NRXN3: variants seen among roughly 807,000 people sequenced by gnomAD.
NRXN3 encodes neurexin 3.
Under a neutral mutation model 137.6 loss-of-function variants are expected in NRXN3, and 32 were observed. The observed-to-expected ratio is 0.23, with a 90% CI of 0.18 to 0.31. The LOEUF (loss-of-function observed/expected upper bound fraction) is 0.31, where lower values mean the gene tolerates loss of function less well. NRXN3 is among the 10% of genes least tolerant of loss of function. The pLI is 1.00. For synonymous variants in NRXN3, 798 were observed against 784.5 expected (o/e 1.02, Z -0.29); for missense variants, 1,574 against 2,062.5 (o/e 0.76, Z 4.59).
intron 3 of NRXN3, among the ~76,000 whole-genome samples, chr14:78,291,855 A>C (rs1394975269): frequency 1.3e-5 from 2 of 152,244 alleles, no homozygotes; most frequent in Non-Finnish European, 2.9e-5. Flanking sequence ...TTACTCTGAA[A>C]GCGAGTGAAA....
At chr14:78,272,074 A>G (rs1451370422) in intron 2 of NRXN3, among the ~76,000 whole-genome samples, 1 of 152,110 alleles carries the variant, frequency 6.6e-6, no homozygotes, top group African/African-American at 2.4e-5. Context: ...GGGGAGGTGC[A>G]GTCTTTGCCT....
At chr14:78,793,556 A>G (rs1384211193) in intron 8 of NRXN3, among the ~76,000 whole-genome samples, 1 of 152,224 alleles carries the variant, frequency 6.6e-6, no homozygotes, top group Non-Finnish European at 1.5e-5. Flanking sequence ...CAGGTTTCCA[A>G]GAGTCCTCTC....
At chr14:78,409,930 C>G (rs10139602) in intron 4 of NRXN3, among the ~76,000 whole-genome samples, 65,146 of 151,930 alleles carry the variant, frequency 0.43, 14,256 homozygotes, top group Middle Eastern at 0.6. Context: ...TACCTTGATA[C>G]AAGATCTCAT....
chr14:78,822,284 C>CCT (rs1321853599), intron 10 of NRXN3, among the ~76,000 whole-genome samples: 35 of 152,096 alleles, frequency 2.3e-4, no homozygotes, highest in African/African-American at 8.5e-4. Context: ...GTGATTTCTG[C>CCT]CATTATGGGA....
At chr14:79,335,739 T>C (rs2092208515) in intron 15 of NRXN3, among the ~76,000 whole-genome samples, 1 of 152,116 alleles carries the variant, frequency 6.6e-6, no homozygotes, top group African/African-American at 2.4e-5. Context: ...ACTTTTATTA[T>C]TTTCAAGTTT....
intron 1 of NRXN3, among the ~76,000 whole-genome samples, chr14:78,207,992 C>T (rs2062376964): frequency 6.6e-6 from 1 of 152,172 alleles, no homozygotes; most frequent in Admixed American, 6.5e-5. Flanking sequence ...GGCTAATAGC[C>T]TGGACTCTGG....
intron 4 of NRXN3, among the ~76,000 whole-genome samples, chr14:78,360,592 T>C (rs1367240330): frequency 6.6e-6 from 1 of 152,164 alleles, no homozygotes; most frequent in African/African-American, 2.4e-5. Flanking sequence ...AATGGGATAG[T>C]AATAGCGCCT....
intron 1 of NRXN3, among the ~76,000 whole-genome samples, chr14:78,177,288 G>A (rs2059367098): frequency 6.6e-6 from 1 of 152,190 alleles, no homozygotes; most frequent in South Asian, 2.1e-4. Context: ...ATGGGTGAAG[G>A]CCTTCTACCA....
chr14:78,199,456 C>G (rs2061490510), intron 1 of NRXN3, among the ~76,000 whole-genome samples: 1 of 152,186 alleles, frequency 6.6e-6, no homozygotes, highest in South Asian at 2.1e-4. Context: ...CCAAGTATTA[C>G]ATACACATCT....
chr14:79,517,102 C>CG (rs1009762722), intron 16 of NRXN3, among the ~76,000 whole-genome samples: 5 of 150,768 alleles, frequency 3.3e-5, no homozygotes, highest in Non-Finnish European at 7.4e-5. Context: ...GCCCCCCCCC[C>CG]CTCAACGAAT....
Position 78,715,248 on chromosome 14 carries a change from C to T in NRXN3, c.2044+109C>T, listed in dbSNP as rs2098426018. On this transcript the variant is annotated intron_variant, in intron 8 of 20. Transcript: ENST00000335750. ...GCACCTACCTGCACTTTCTTTCTTC[C>T]AAGAGTTTTTGGGTTTACTGATTTC... is the stretch of plus-strand genomic sequence containing the variant. 3 of 1,396,398 alleles carry T rather than the reference C, an allele frequency of 2.1e-6. No individual in the cohort carries two copies. In the African/African-American group the frequency reaches 4.3e-5, roughly 20 times the overall value. 86.5% of individuals were successfully genotyped at this position (1,396,398 alleles called of 1,614,324 possible).
chr14:78,606,242 A>C (rs1396130847), intron 4 of NRXN3, among the ~76,000 whole-genome samples: 1 of 152,244 alleles, frequency 6.6e-6, no homozygotes, highest in East Asian at 1.9e-4. Context: ...GCTATGCTCA[A>C]TGCATGACTC....
At chr14:78,619,462 G>A (rs537186121) in intron 4 of NRXN3, among the ~76,000 whole-genome samples, 1 of 152,148 alleles carries the variant, frequency 6.6e-6, no homozygotes, top group African/African-American at 2.4e-5. Context: ...AAGAGTGCTC[G>A]ATATGGTTAA....
chr14:79,018,425 C>A (rs780302959), intron 15 of NRXN3, among the ~76,000 whole-genome samples: 1 of 151,946 alleles, frequency 6.6e-6, no homozygotes, highest in South Asian at 2.1e-4. Flanking sequence ...CCATCATAGC[C>A]CTGCCACTTC....
intron 1 of NRXN3, among the ~76,000 whole-genome samples, chr14:78,229,657 A>G (rs1052064779): frequency 6.6e-6 from 1 of 152,094 alleles, no homozygotes; most frequent in Non-Finnish European, 1.5e-5. Flanking sequence ...CAGCAAGCAC[A>G]TGTCTATGAT....
intron 4 of NRXN3, among the ~76,000 whole-genome samples, chr14:78,563,724 G>T (rs558297093): frequency 6.6e-6 from 1 of 152,178 alleles, no homozygotes; most frequent in South Asian, 2.1e-4. Context: ...CTAGGATTTT[G>T]AGATGGGTAC....
At chr14:79,021,506 T>C (rs891599364) in intron 15 of NRXN3, among the ~76,000 whole-genome samples, 20 of 152,218 alleles carry the variant, frequency 1.3e-4, no homozygotes, top group African/African-American at 4.8e-4. Context: ...CTGATGTTTA[T>C]TAAGTGCCTC....
At chr14:79,071,664 G>A (rs1426035428) in intron 15 of NRXN3, among the ~76,000 whole-genome samples, 2 of 152,124 alleles carry the variant, frequency 1.3e-5, no homozygotes, top group African/African-American at 4.8e-5. Flanking sequence ...GTTACCAGAG[G>A]CTGGGAAGGT....
At chr14:79,680,014 A>ACTCTAGAGTCTATCTTTG (rs1234149697) in intron 17 of NRXN3, among the ~76,000 whole-genome samples, 4 of 152,090 alleles carry the variant, frequency 2.6e-5, no homozygotes, top group Admixed American at 6.5e-5. Context: ...TGGGGTCTTT[A>ACTCTAGAGTCTATCTTTG]CTCTAGAGTC....
Sources: allele counts gnomAD v4.1 joint callset (sites outside exome capture counted in the v4.1 genomes callset), GRCh38; gene constraint gnomAD v4.1.1; transcripts MANE v1.5; gene names NCBI Gene and HGNC (gene_info 2026-07-23, HGNC 2026-07-21).